FOXO1: variants seen among roughly 807,000 people sequenced by gnomAD.
The protein encoded by FOXO1 is forkhead box O1.
FOXO1 carries 6 observed loss-of-function variants against 44.1 expected under a neutral mutation model. That is an observed-to-expected ratio of 0.14 (90% CI 0.07 to 0.27). The LOEUF is 0.27. Ranked by LOEUF, FOXO1 falls within the 10% of genes least tolerant of loss-of-function variation. The pLI is 1.00. For missense variants in FOXO1, 737 were observed against 888.8 expected, an observed-to-expected ratio of 0.83 and a Z score of 2.17; for synonymous variants, 380 against 362.7, an observed-to-expected ratio of 1.05 and a Z score of -0.54.
Position 40,665,580 on chromosome 13 carries a change from C to T in FOXO1, c.630+3G>A. 7.1e-7 allele frequency: 1 copy of T among 1,411,328 alleles called. No homozygotes were observed. Among genetic ancestry groups the T allele is most frequent in the South Asian group, 1.6e-5 (1 of 61,126 alleles). The allele number at this position is 1,411,328 out of a possible 1,614,324, so 87.4% of individuals were successfully genotyped here. A position where few individuals can be genotyped will look rare whatever the true frequency, so the allele number is the denominator to read the frequency against. ...GGTCCGGCCGCGCGCCGAGTCCACT[C>T]ACCTTCCAGCCCGCCGAGCTGTTGC... On this transcript the variant is annotated splice_donor_region_variant and intron_variant, in intron 1 of 2. Coordinates refer to ENST00000379561, the MANE Select transcript of FOXO1 (RefSeq NM_002015.4).
At chr13:40,603,353 C>CAAAAAAAAAAAA (rs60741629) in intron 1 of FOXO1, among the ~76,000 whole-genome samples, 1 of 73,976 alleles carries the variant, frequency 1.4e-5, no homozygotes, top group Non-Finnish European at 2.9e-5. Flanking sequence ...CAGATGAATC[C>CAAAAAAAAAAAA]AAAAAAAAAA....
At chr13:40,655,429 A>T (rs780107048) in intron 1 of FOXO1, among the ~76,000 whole-genome samples, 1 of 151,388 alleles carries the variant, frequency 6.6e-6, no homozygotes, top group Admixed American at 6.6e-5. Context: ...GCCTGACATC[A>T]TTAACAATCA....
intron 1 of FOXO1, among the ~76,000 whole-genome samples, chr13:40,659,422 T>C (rs1485496172): frequency 6.7e-6 from 1 of 149,400 alleles, no homozygotes; most frequent in Non-Finnish European, 1.5e-5. Context: ...AAAACCAGAA[T>C]TGGGGGCTAC....
rs1873750710 is a variant in FOXO1, at chr13:40,556,372, A to ATAT, written c.*2674_*2676dup. ...TTACCTAAATATATTCCATACGTCT[A>ATAT]TATTACGGAAACAATACATCTTTAT... On this transcript the variant is annotated 3_prime_UTR_variant, in exon 3 of 3. Coordinates refer to ENST00000379561, the MANE Select transcript of FOXO1 (RefSeq NM_002015.4). 1 of 152,678 alleles carries ATAT rather than the reference A, an allele frequency of 6.5e-6. No homozygotes were observed. The highest frequency in any genetic ancestry group is 6.5e-5 in the Admixed American group (1 of 15,290). 9.5% of individuals were successfully genotyped at this position (152,678 alleles called of 1,614,324 possible).
chr13:40,623,641 T>C (rs1445525513), intron 1 of FOXO1, among the ~76,000 whole-genome samples: 1 of 152,178 alleles, frequency 6.6e-6, no homozygotes, highest in Non-Finnish European at 1.5e-5. Flanking sequence ...TTAACAAATG[T>C]ACAATTTCCA....
chr13:40,666,404 G>A lies in FOXO1; in HGVS notation c.-192C>T, dbSNP rs907998540. On this transcript the variant is annotated 5_prime_UTR_variant, in exon 1 of 3. Coordinates refer to ENST00000379561, the MANE Select transcript of FOXO1 (RefSeq NM_002015.4). ...CGAGCCCAGAACTTAACTTCGCGGG[G>A]CCATCCACATCGAGGCTCCTCGGGG... 19 of 444,032 alleles carry A rather than the reference G, an allele frequency of 4.3e-5. No homozygotes were observed. The highest frequency in any genetic ancestry group is 7.9e-6 in the Non-Finnish European group (2 of 254,768). The allele number at this position is 444,032 out of a possible 1,614,324, so 27.5% of individuals were successfully genotyped here.
rs747490368 is a variant in FOXO1, at chr13:40,641,240, T to G, written c.630+24343A>C. On this transcript the variant is annotated intron_variant, in intron 1 of 2. Transcript: ENST00000379561. ...CAACTAAATAGAGCCTTCCTATCCA[T>G]CTGGTGAGGAAACCACAGGCAACTC... Among the ~76,000 whole-genome samples, 4 of 151,994 alleles carry G rather than the reference T, an allele frequency of 2.6e-5. No individual in the cohort carries two copies. The South Asian group carries it at 8.3e-4, about 32-fold the overall frequency.
intron 1 of FOXO1, among the ~76,000 whole-genome samples, chr13:40,661,671 C>T (rs143022666): frequency 1.3e-5 from 2 of 152,132 alleles, no homozygotes; most frequent in African/African-American, 4.8e-5. Context: ...TCTAACCACT[C>T]GGTCTCACCA....
At chr13:40,651,916 AGG>A (rs1367419875) in intron 1 of FOXO1, among the ~76,000 whole-genome samples, 4 of 152,118 alleles carry the variant, frequency 2.6e-5, no homozygotes, top group Admixed American at 6.6e-5. Flanking sequence ...AAAAGGTTGA[AGG>A]GGAGAGACCA....
intron 1 of FOXO1, among the ~76,000 whole-genome samples, chr13:40,653,173 T>C (rs1877742242): frequency 6.6e-6 from 1 of 152,046 alleles, no homozygotes; most frequent in Non-Finnish European, 1.5e-5. Context: ...TTTCACCATG[T>C]TGCCAGGCTT....
chr13:40,627,141 T>C (rs956361636), intron 1 of FOXO1, among the ~76,000 whole-genome samples: 2 of 152,112 alleles, frequency 1.3e-5, no homozygotes, highest in African/African-American at 2.4e-5. Flanking sequence ...TTACCAACAA[T>C]TCCCCCAACC....
intron 1 of FOXO1, among the ~76,000 whole-genome samples, chr13:40,592,217 C>A (rs1015571794): frequency 1.3e-5 from 2 of 152,144 alleles, no homozygotes; most frequent in African/African-American, 4.8e-5. Flanking sequence ...CTTCATGCTA[C>A]TCTGATCTCC....
At chr13:40,660,850 G>A (rs961973011) in intron 1 of FOXO1, among the ~76,000 whole-genome samples, 2 of 152,116 alleles carry the variant, frequency 1.3e-5, no homozygotes, top group Admixed American at 6.5e-5. Context: ...GCTGAGGTGG[G>A]AGGATCACTT....
At chr13:40,620,377 C>A in intron 1 of FOXO1, 1 of 697,528 alleles carries the variant, frequency 1.4e-6, no homozygotes, top group South Asian at 1.6e-5. Flanking sequence ...TTAGAGCGGT[C>A]ACGTATTCAA....
chr13:40,638,703 A>C (rs1483823180), intron 1 of FOXO1, among the ~76,000 whole-genome samples: 2 of 152,194 alleles, frequency 1.3e-5, no homozygotes, highest in African/African-American at 4.8e-5. Context: ...AGGGGGCCTA[A>C]GGTTTCAGAA....
intron 1 of FOXO1, among the ~76,000 whole-genome samples, chr13:40,634,823 G>A (rs565397391): frequency 6.6e-6 from 1 of 152,084 alleles, no homozygotes; most frequent in Admixed American, 6.5e-5. Flanking sequence ...GATTACAGGT[G>A]CCCACCACCC....
chr13:40,617,069 A>G (rs1876449186), intron 1 of FOXO1, among the ~76,000 whole-genome samples: 1 of 152,260 alleles, frequency 6.6e-6, no homozygotes, highest in Admixed American at 6.5e-5. Context: ...ATACGATACC[A>G]AAGTATTAAT....
chr13:40,559,198 C>A (rs1873879837), intron 2 of FOXO1, among the ~76,000 whole-genome samples, 164 bp from the exon 3 acceptor site: 1 of 152,024 alleles, frequency 6.6e-6, no homozygotes. Flanking sequence ...GGGGAAAATT[C>A]TACTTTACAA....
At chr13:40,592,523 T>C (rs1033778774) in intron 1 of FOXO1, among the ~76,000 whole-genome samples, 10 of 152,200 alleles carry the variant, frequency 6.6e-5, no homozygotes, top group Admixed American at 3.3e-4. Context: ...GATTACTACA[T>C]TCCTCCCAAA....
Sources: allele counts gnomAD v4.1 joint callset (sites outside exome capture counted in the v4.1 genomes callset), GRCh38; gene constraint gnomAD v4.1.1; transcripts MANE v1.5; gene names NCBI Gene and HGNC (gene_info 2026-07-23, HGNC 2026-07-21).